Variants in GADD45GIP1 observed in about 807,000 individuals in gnomAD.
GADD45GIP1 encodes the protein GADD45G interacting protein 1.
In GADD45GIP1, 17 loss-of-function variants were observed where a neutral mutation model predicts 22.1. That is an observed-to-expected ratio of 0.77 (90% CI 0.53 to 1.15). The LOEUF (loss-of-function observed/expected upper bound fraction) is 1.15. Ranked by LOEUF, GADD45GIP1 falls within the 50% of genes most tolerant of loss-of-function variation. GADD45GIP1 has a pLI of 0.00. For synonymous variants in GADD45GIP1, 135 were observed against 138.4 expected (o/e 0.98, Z 0.17); for missense variants, 294 against 314.0 (o/e 0.94, Z 0.48).
chr19:12,955,937 C>T (rs1299981883), intron 1 of GADD45GIP1, among the ~76,000 whole-genome samples: 4 of 152,176 alleles, frequency 2.6e-5, no homozygotes, highest in Non-Finnish European at 5.9e-5. Flanking sequence ...CTCTTGGTTC[C>T]AGGACCCATC....
At chr19:12,954,868 C>T (rs747659745) in intron 1 of GADD45GIP1, among the ~76,000 whole-genome samples, 5 of 152,196 alleles carry the variant, frequency 3.3e-5, no homozygotes, top group African/African-American at 9.7e-5. Flanking sequence ...ACTTCCTGTA[C>T]AGAGGCCAGG....
At position 12,956,840 on chromosome 19, in the gene GADD45GIP1, C is replaced by G. The variant is rs183050762; in HGVS notation, c.350+23G>C. The G allele has an allele frequency of 5.7e-4, 901 of 1,590,168 alleles. 7 individuals carry two copies. In the African/African-American group the frequency reaches 0.011, roughly 20 times the overall value. ...GCCCACGGGGCACAGAGGGCAGCCCCGCGTCTGCCTGCACGCACGCACCTC... is the reference window on the plus strand; with the variant it reads ...GCCCACGGGGCACAGAGGGCAGCCCGGCGTCTGCCTGCACGCACGCACCTC... On this transcript the variant is annotated intron_variant, in intron 1 of 1. Coordinates refer to ENST00000316939, the MANE Select transcript of GADD45GIP1 (RefSeq NM_052850.4).
chr19:12,954,569 A>T, intron 1 of GADD45GIP1, 43 bp from the exon 2 acceptor site: 1 of 1,537,510 alleles, frequency 6.5e-7, no homozygotes, highest in Non-Finnish European at 8.8e-7. Context: ...GCACTCAGCC[A>T]GGGCAGAGCC....
intron 1 of GADD45GIP1, among the ~76,000 whole-genome samples, chr19:12,955,544 A>T (rs1389781339): frequency 2.6e-5 from 4 of 152,160 alleles, no homozygotes; most frequent in Non-Finnish European, 5.9e-5. Context: ...ACGCTCCAGG[A>T]TGTGGCATTA....
chr19:12,955,950 C>T (rs1188885344), intron 1 of GADD45GIP1, among the ~76,000 whole-genome samples: 2 of 152,202 alleles, frequency 1.3e-5, no homozygotes. Context: ...GACCCATCAC[C>T]TTCCTGCCCT....
Position 12,954,312 on chromosome 19 carries a change from G to A in GADD45GIP1, c.565C>T (p.Arg189Cys), listed in dbSNP as rs755977311. The change falls in exon 2 of 2, where the codon CGC (arginine) becomes TGC (cysteine). Residue 189 changes from arginine (R) to cysteine (C), a missense_variant. Arg to Cys is a radical substitution (Grantham distance 180). Coordinates refer to ENST00000316939, the MANE Select transcript of GADD45GIP1 (RefSeq NM_052850.4). ...LQDLEKKERK[R>C]LKEEKQKRKK... ...CGTTTCTGTTTTTCCTCCTTGAGGCGCTTGCGCTCCTTCTTCTCTAGGTCC... is the reference window on the plus strand; with the variant it reads ...CGTTTCTGTTTTTCCTCCTTGAGGCACTTGCGCTCCTTCTTCTCTAGGTCC... 1.8e-5 allele frequency: 29 copies of A among 1,614,062 alleles called. No individual in the cohort carries two copies. The highest frequency in any genetic ancestry group is 2.2e-5 in the East Asian group (1 of 44,896).
intron 1 of GADD45GIP1, among the ~76,000 whole-genome samples, chr19:12,954,889 G>C (rs1253826385): frequency 6.6e-6 from 1 of 152,130 alleles, no homozygotes; most frequent in Non-Finnish European, 1.5e-5. Flanking sequence ...CCCAATTCTA[G>C]GCACAGGAGT....
rs745926853 is a variant in GADD45GIP1 at position 12,954,532 on chromosome 19, G to A, written c.351-6C>T. 94 of 1,602,836 alleles carry A rather than the reference G, an allele frequency of 5.9e-5. 1 individual carries two copies. The South Asian group carries it at 1.0e-3, about 17-fold the overall frequency. ...ACTCTGCGATGTGCTGCTCCCTGCA[G>A]GGGAGGGAGAGTGGGCTGTGACACT... On this transcript the variant is annotated splice_polypyrimidine_tract_variant and splice_region_variant and intron_variant, in intron 1 of 1. Transcript: ENST00000316939.
rs1440257612 is a variant in GADD45GIP1, at chr19:12,954,124, A to T, written c.*84T>A. The T allele has an allele frequency of 1.3e-5, 15 of 1,184,262 alleles. No homozygotes were observed. The highest frequency in any genetic ancestry group is 1.8e-5 in the Non-Finnish European group (15 of 826,594). 73.4% of individuals were successfully genotyped at this position (1,184,262 alleles called of 1,614,324 possible). A position where few individuals can be genotyped will look rare whatever the true frequency, so the allele number is the denominator to read the frequency against. ...TAAGTATTGGGGGAGGAACCAGGGGACCCAGAGAGGCACACCTTGAGAGGA... is the reference window on the plus strand; with the variant it reads ...TAAGTATTGGGGGAGGAACCAGGGGTCCCAGAGAGGCACACCTTGAGAGGA... On this transcript the variant is annotated 3_prime_UTR_variant, in exon 2 of 2. Coordinates refer to ENST00000316939, the MANE Select transcript of GADD45GIP1 (RefSeq NM_052850.4).
Position 12,956,884 on chromosome 19 carries a change from T to G in GADD45GIP1, c.329A>C (p.Glu110Ala). Residue 110 changes from glutamate (E) to alanine (A), a missense_variant, in exon 1 of 2, where the codon GAA (glutamate) becomes GCA (alanine). Physicochemically the swap from Glu to Ala is moderately radical, Grantham distance 107. Transcript: ENST00000316939. ...GCACCTCTCCCGACGCTTCTGCTCTTCGGCCAGCTGCTTCACCCGCAGCGA... is the reference window on the plus strand; with the variant it reads ...GCACCTCTCCCGACGCTTCTGCTCTGCGGCCAGCTGCTTCACCCGCAGCGA... ...QESLRVKQLA[E>A]EQKRREREQH... 1 of 1,598,748 alleles carries G rather than the reference T, an allele frequency of 6.3e-7. No homozygotes were observed. The highest frequency in any genetic ancestry group is 8.5e-7 in the Non-Finnish European group (1 of 1,179,432).
rs1971898135 is a variant in GADD45GIP1 at position 12,954,456 on chromosome 19, C to T, written c.421G>A (p.Glu141Lys). ...MIVNWQQQQR[E>K]NWEKAQADKE... ...TCAGCCTGGGCCTTCTCCCAGTTCT[C>T]CCGCTGCTGCTGCTGCCAGTTCACA... The change falls in exon 2 of 2, where the codon GAG (glutamate) becomes AAG (lysine). Residue 141 changes from glutamate (E) to lysine (K), a missense_variant. By Grantham distance (56) the Glu-to-Lys change is moderately conservative. Coordinates refer to ENST00000316939, the MANE Select transcript of GADD45GIP1 (RefSeq NM_052850.4). 6 of 1,614,174 alleles carry T rather than the reference C, an allele frequency of 3.7e-6. No individual in the cohort carries two copies. Among genetic ancestry groups the T allele is most frequent in the Non-Finnish European group, 4.2e-6 (5 of 1,180,016 alleles).
intron 1 of GADD45GIP1, 132 bp from the exon 2 acceptor site, chr19:12,954,658 A>G: frequency 1.5e-6 from 1 of 672,118 alleles, no homozygotes; most frequent in Non-Finnish European, 2.5e-6. Context: ...ACTGTCAGGA[A>G]AAGCCCTTGA....
At position 12,957,043 on chromosome 19, in the gene GADD45GIP1, G is replaced by A. The variant is rs764471023; in HGVS notation, c.170C>T (p.Ala57Val). The A allele has an allele frequency of 5.0e-6, 8 of 1,585,990 alleles. No individual in the cohort carries two copies. The highest frequency in any genetic ancestry group is 6.8e-6 in the Non-Finnish European group (8 of 1,174,144). ...GCCGTAACGCGCGAACTGCTTAGCC[G>A]CGTAGCGCGGTCCCAGCTGCCACCG... ...TPRWQLGPRY[A>V]AKQFARYGAA... Residue 57 changes from alanine to valine, a missense_variant, in exon 1 of 2, where the codon GCG becomes GTG. Ala to Val is a moderately conservative substitution (Grantham distance 64). Coordinates refer to ENST00000316939, the MANE Select transcript of GADD45GIP1 (RefSeq NM_052850.4).
chr19:12,957,205 G>C lies in GADD45GIP1; in HGVS notation c.8C>G (p.Ala3Gly). The change falls in exon 1 of 2, where the codon GCG becomes GGG. Residue 3 changes from alanine (A) to glycine (G), a missense_variant. By Grantham distance (60) the Ala-to-Gly change is moderately conservative. Transcript: ENST00000316939. MA[A>G]SVRQARSLLG... ...TAGGCTGCGTGCCTGTCGCACGGAC[G>C]CCGCCATCTTGGCTGTGCGGGGTCC... The C allele has an allele frequency of 7.2e-7, 1 of 1,396,228 alleles. No individual in the cohort carries two copies. 86.5% of individuals were successfully genotyped at this position (1,396,228 alleles called of 1,614,324 possible). A position where few individuals can be genotyped will look rare whatever the true frequency, so the allele number is the denominator to read the frequency against.
rs1285973184 is a variant in GADD45GIP1 at position 12,954,462 on chromosome 19, G to C, written c.415C>G (p.Gln139Glu). 1 of 1,614,132 alleles carries C rather than the reference G, an allele frequency of 6.2e-7. No individual in the cohort carries two copies. The highest frequency in any genetic ancestry group is 8.5e-7 in the Non-Finnish European group (1 of 1,180,012). Residue 139 changes from glutamine (Q) to glutamate (E), a missense_variant, in exon 2 of 2, where the codon CAG becomes GAG. By Grantham distance (29) the Gln-to-Glu change is conservative (BLOSUM62 2). Coordinates refer to ENST00000316939, the MANE Select transcript of GADD45GIP1 (RefSeq NM_052850.4). ...PQMIVNWQQQ[Q>E]RENWEKAQAD... ...TGGGCCTTCTCCCAGTTCTCCCGCT[G>C]CTGCTGCTGCCAGTTCACAATCATC...
At chr19:12,954,664 C>T in intron 1 of GADD45GIP1, 138 bp from the exon 2 acceptor site, 1 of 654,742 alleles carries the variant, frequency 1.5e-6, no homozygotes, top group Non-Finnish European at 2.6e-6. Flanking sequence ...AGGAAAAGCC[C>T]TTGACAAGTG....
Position 12,953,903 on chromosome 19 carries a change from C to T in GADD45GIP1, c.*305G>A, listed in dbSNP as rs558765789. On this transcript the variant is annotated 3_prime_UTR_variant, in exon 2 of 2. Transcript: ENST00000316939. ...TCTGTTTTGGCTATACTTCCCCCCCCACCAGCCTTGTAATTGGCTAATTAC... is the reference window on the plus strand; with the variant it reads ...TCTGTTTTGGCTATACTTCCCCCCCTACCAGCCTTGTAATTGGCTAATTAC... 4 of 352,572 alleles carry T rather than the reference C, an allele frequency of 1.1e-5. No homozygotes were observed. Among genetic ancestry groups the T allele is most frequent in the Admixed American group, 4.5e-5 (1 of 22,310 alleles). The allele number at this position is 352,572 out of a possible 1,614,324, so 21.8% of individuals were successfully genotyped here.
Position 12,956,841 on chromosome 19 carries a change from GCGT to G in GADD45GIP1, c.350+19_350+21del. ...CCCACGGGGCACAGAGGGCAGCCCC[GCGT>G]CTGCCTGCACGCACGCACCTCTCCC... On this transcript the variant is annotated intron_variant, in intron 1 of 1. Coordinates refer to ENST00000316939, the MANE Select transcript of GADD45GIP1 (RefSeq NM_052850.4). 3 of 1,590,244 alleles carry G rather than the reference GCGT, an allele frequency of 1.9e-6. No homozygotes were observed. The South Asian group carries it at 3.3e-5, about 18-fold the overall frequency.
At position 12,953,168 on chromosome 19, in the gene GADD45GIP1, C is replaced by A; in HGVS notation, c.*1040G>T. 1 of 736,966 alleles carries A rather than the reference C, an allele frequency of 1.4e-6. No homozygotes were observed. Among genetic ancestry groups the A allele is most frequent in the Non-Finnish European group, 2.1e-6 (1 of 481,570 alleles). The allele number at this position is 736,966 out of a possible 1,614,324, so 45.7% of individuals were successfully genotyped here. On this transcript the variant is annotated 3_prime_UTR_variant, in exon 2 of 2. Coordinates refer to ENST00000316939, the MANE Select transcript of GADD45GIP1 (RefSeq NM_052850.4). ...AGAAATGGAAAAAAAAATCAAAAATCTTAAAAAAACAAGCAAACAGTCCAG... is the reference window on the plus strand; with the variant it reads ...AGAAATGGAAAAAAAAATCAAAAATATTAAAAAAACAAGCAAACAGTCCAG...
Sources: allele counts gnomAD v4.1 joint callset (sites outside exome capture counted in the v4.1 genomes callset), GRCh38; gene constraint gnomAD v4.1.1; transcripts MANE v1.5; gene names NCBI Gene and HGNC (gene_info 2026-07-23, HGNC 2026-07-21).